Variants in SH2B2 observed in about 807,000 individuals in gnomAD.
The protein encoded by SH2B2 is SH2B adapter protein 2.
A neutral mutation model predicts 35.7 loss-of-function variants in SH2B2; 37 were observed. That is an observed-to-expected ratio of 1.04 (90% CI 0.80 to 1.36). The LOEUF is 1.36. Ranked by LOEUF, SH2B2 falls within the 40% of genes most tolerant of loss-of-function variation. SH2B2 has a pLI of 0.00. For missense variants in SH2B2, 852 were observed against 817.7 expected (o/e 1.04, Z -0.51); for synonymous variants, 383 against 376.4 (o/e 1.02, Z -0.20).
chr7:102,308,800 C>T lies in SH2B2; in HGVS notation c.832-15C>T. On this transcript the variant is annotated splice_polypyrimidine_tract_variant and intron_variant, in intron 3 of 8. Transcript: ENST00000444095. ...GCTGACCGTGTTCTGCACTCCCGGC[C>T]ACCTTCCTCCCCAGGTAGAGAATGG... The T allele has an allele frequency of 6.2e-7, 1 of 1,608,566 alleles. No individual in the cohort carries two copies. Among genetic ancestry groups the T allele is most frequent in the Non-Finnish European group, 8.5e-7 (1 of 1,175,236 alleles).
chr7:102,292,205 T>C (rs1181015875), intron 1 of SH2B2, among the ~76,000 whole-genome samples: 2 of 151,120 alleles, frequency 1.3e-5, no homozygotes, highest in African/African-American at 2.4e-5. Flanking sequence ...CTGGGCAACA[T>C]AGTGAGACCC....
At chr7:102,285,249 T>C (rs748007588), upstream of SH2B2, 48 of 1,550,464 alleles carry the variant, frequency 3.1e-5, no homozygotes, top group Non-Finnish European at 4.0e-5. Flanking sequence ...AGCCCACTAC[T>C]CTGAACCAGG....
At chr7:102,318,125 C>T (rs369527985) in intron 7 of SH2B2, among the ~76,000 whole-genome samples, 1 of 151,918 alleles carries the variant, frequency 6.6e-6, no homozygotes, top group African/African-American at 2.4e-5. Flanking sequence ...CTATATTGAC[C>T]TGAAATGCTT....
chr7:102,298,069 G>A (rs1792993356), intron 1 of SH2B2, among the ~76,000 whole-genome samples: 1 of 152,138 alleles, frequency 6.6e-6, no homozygotes, highest in South Asian at 2.1e-4. Flanking sequence ...ATGCTTCTGG[G>A]AGGGCAAGGA....
chr7:102,314,286 C>T lies in SH2B2; in HGVS notation c.924-50C>T, dbSNP rs1370894073. ...CTGGCCACATAAGTAGCCTGTGGTC[C>T]GAGTCCAAGTCCCACGGCAGGACAT... On this transcript the variant is annotated intron_variant, in intron 4 of 8. Coordinates refer to ENST00000444095, the MANE Select transcript of SH2B2 (RefSeq NM_001359228.2). 1.3e-5 allele frequency: 5 copies of T among 398,550 alleles called. No homozygotes were observed. The South Asian group carries it at 3.8e-4, about 31-fold the overall frequency. The allele number at this position is 398,550 out of a possible 1,614,324, so 24.7% of individuals were successfully genotyped here.
chr7:102,319,475 C>T (rs1466749426), intron 7 of SH2B2, among the ~76,000 whole-genome samples: 1 of 152,056 alleles, frequency 6.6e-6, no homozygotes, highest in Non-Finnish European at 1.5e-5. Flanking sequence ...CCTGACCTCC[C>T]GTGATCCATT....
At chr7:102,309,790 G>A (rs1312653250) in intron 4 of SH2B2, among the ~76,000 whole-genome samples, 1 of 152,134 alleles carries the variant, frequency 6.6e-6, no homozygotes, top group African/African-American at 2.4e-5. Context: ...ATAAAGAGTG[G>A]ACCAATGCCA....
chr7:102,318,937 G>C (rs1350110750), intron 7 of SH2B2, among the ~76,000 whole-genome samples: 1 of 152,216 alleles, frequency 6.6e-6, no homozygotes, highest in Non-Finnish European at 1.5e-5. Flanking sequence ...CAGAGGCTAG[G>C]ATGGGGGAAC....
intron 4 of SH2B2, among the ~76,000 whole-genome samples, chr7:102,314,045 A>G (rs1229808614): frequency 4.6e-5 from 7 of 152,316 alleles, no homozygotes; most frequent in East Asian, 3.9e-4. Flanking sequence ...CTGAGAGACA[A>G]GTAGGCAGGA....
intron 4 of SH2B2, among the ~76,000 whole-genome samples, chr7:102,311,808 G>A (rs1214871041): frequency 6.6e-6 from 1 of 152,126 alleles, no homozygotes; most frequent in Non-Finnish European, 1.5e-5. Context: ...TGGGCGTGGT[G>A]GTGCACGCCT....
chr7:102,304,590 G>A (rs1793318988), intron 2 of SH2B2, among the ~76,000 whole-genome samples: 1 of 152,234 alleles, frequency 6.6e-6, no homozygotes, highest in Non-Finnish European at 1.5e-5. Context: ...TTGTAAACAA[G>A]TTGACCATTC....
intron 3 of SH2B2, 131 bp downstream of exon 3, chr7:102,306,953 G>C: frequency 1.4e-6 from 1 of 714,784 alleles, no homozygotes; most frequent in South Asian, 1.7e-5. Flanking sequence ...GAGCCCTGGT[G>C]TGGGGGGTTC....
intron 2 of SH2B2, among the ~76,000 whole-genome samples, chr7:102,304,385 G>C (rs1392297158): frequency 6.6e-6 from 1 of 152,142 alleles, no homozygotes; most frequent in Non-Finnish European, 1.5e-5. Flanking sequence ...CAAGCCCTGG[G>C]GACCCAAGGA....
intron 2 of SH2B2, among the ~76,000 whole-genome samples, chr7:102,304,091 C>T (rs953441342): frequency 2.6e-5 from 4 of 152,202 alleles, no homozygotes; most frequent in South Asian, 4.1e-4. Context: ...GACAGGCTCC[C>T]AGGGTGAGTG....
chr7:102,307,710 G>T (rs1793457671), intron 3 of SH2B2, among the ~76,000 whole-genome samples: 1 of 151,682 alleles, frequency 6.6e-6, no homozygotes, highest in Non-Finnish European at 1.5e-5. Context: ...ATTAAAGGCA[G>T]TCTCCGAGAA....
chr7:102,304,306 T>G (rs1055442389), intron 2 of SH2B2, among the ~76,000 whole-genome samples: 15 of 152,276 alleles, frequency 9.9e-5, no homozygotes, highest in African/African-American at 3.6e-4. Context: ...GGTCTCTGGC[T>G]TCCTGCCTCC....
chr7:102,317,403 T>A lies in SH2B2; in HGVS notation c.1395+8T>A, dbSNP rs377711675. ...TTCCAGGGCAAGGCCAAGGCAAGTG[T>A]GTGGGGGGCGCCATGGGGGTGCAGT... On this transcript the variant is annotated splice_region_variant and intron_variant, in intron 7 of 8. Transcript: ENST00000444095. 2.1e-5 allele frequency: 33 copies of A among 1,555,730 alleles called. No individual in the cohort carries two copies. The highest frequency in any genetic ancestry group is 2.6e-5 in the Non-Finnish European group (30 of 1,143,378).
upstream of SH2B2, chr7:102,286,821 GGGGGC>G (rs2132877206): frequency 1.7e-3 from 2 of 1,182 alleles, no homozygotes; most frequent in African/African-American, 7.2e-3. Context: ...CGGCGGGGGC[GGGGGC>G]GGGGCGGGGC....
intron 2 of SH2B2, among the ~76,000 whole-genome samples, chr7:102,303,591 C>A (rs1793278651): frequency 1.3e-5 from 2 of 152,166 alleles, no homozygotes; most frequent in Non-Finnish European, 2.9e-5. Context: ...GGTCCCAGCA[C>A]CCCTACACTT....
Sources: allele counts gnomAD v4.1 joint callset (sites outside exome capture counted in the v4.1 genomes callset), GRCh38; gene constraint gnomAD v4.1.1; transcripts MANE v1.5; gene names NCBI Gene and HGNC (gene_info 2026-07-23, HGNC 2026-07-21).